Variants in CMTM6 observed in about 807,000 individuals in gnomAD.
The protein encoded by CMTM6 is CKLF like MARVEL transmembrane domain containing 6.
In CMTM6, 5 loss-of-function variants were observed where a neutral mutation model predicts 13.6. That is an observed-to-expected ratio of 0.37 (90% CI 0.19 to 0.77). CMTM6 has a LOEUF of 0.77. Ranked by LOEUF, CMTM6 falls within the 30% of genes least tolerant of loss-of-function variation. CMTM6 has a pLI of 0.50. For missense variants in CMTM6, 196 were observed against 218.6 expected (o/e 0.90, Z 0.65); for synonymous variants, 99 against 84.5 (o/e 1.17, Z -0.94).
chr3:32,502,641 T>A lies in CMTM6; in HGVS notation c.105A>T (p.Pro35=). ...AGCCCTTGAGAACGCGCCGGAGCAA[T>A]GGGAGCCGGCCCATGAAAAAGTAGG... ...LAAYFFMGRL[P]LLRRVLKGLQ... The change falls in exon 1 of 4, where the codon CCA becomes CCT. Residue 35 remains proline, a synonymous_variant. Transcript: ENST00000205636. 1.9e-6 allele frequency: 3 copies of A among 1,596,352 alleles called. No homozygotes were observed. The highest frequency in any genetic ancestry group is 2.6e-6 in the Non-Finnish European group (3 of 1,173,314).
chr3:32,498,231 G>A lies in CMTM6; in HGVS notation c.138+4377C>T, dbSNP rs528999983. 1.8e-4 allele frequency among the ~76,000 whole-genome samples: 27 copies of A among 152,186 alleles called. 1 individual carries two copies. The highest frequency in any genetic ancestry group is 8.3e-4 in the South Asian group (4 of 4,832). On this transcript the variant is annotated intron_variant, in intron 1 of 3. Transcript: ENST00000205636. ...AGCGGATATAGTCTCCCACTCCCAC[G>A]TTTACAAAGATGGAATTAAGCTACT...
chr3:32,488,093 A>C (rs1431941802), intron 2 of CMTM6, 57 bp from the exon 3 acceptor site: 3 of 1,238,808 alleles, frequency 2.4e-6, no homozygotes, highest in Non-Finnish European at 3.4e-6. Flanking sequence ...CATGGAAATG[A>C]ACTTTTTCAT....
At chr3:32,494,567 C>T (rs931425298) in intron 1 of CMTM6, among the ~76,000 whole-genome samples, 10 of 151,982 alleles carry the variant, frequency 6.6e-5, no homozygotes, top group African/African-American at 2.2e-4. Context: ...AAAACCGGTA[C>T]GTGAATGTTT....
At chr3:32,493,278 ATGCTT>A (rs1268418272) in intron 1 of CMTM6, among the ~76,000 whole-genome samples, 2 of 152,180 alleles carry the variant, frequency 1.3e-5, no homozygotes, top group Admixed American at 1.3e-4. Context: ...TGAGGTCAGG[ATGCTT>A]GGTATGGTGA....
chr3:32,485,117 G>A (rs540958136), intron 3 of CMTM6, among the ~76,000 whole-genome samples: 4 of 141,440 alleles, frequency 2.8e-5, no homozygotes, highest in Non-Finnish European at 4.5e-5. Context: ...TTATTTTCCT[G>A]GCAACTTTCT....
chr3:32,492,699 T>C (rs908341682), intron 1 of CMTM6, among the ~76,000 whole-genome samples: 1 of 152,144 alleles, frequency 6.6e-6, no homozygotes, highest in South Asian at 2.1e-4. Context: ...GAAGCTCTTA[T>C]CAGACAAGAT....
chr3:32,491,693 T>C lies in CMTM6; in HGVS notation c.315+17A>G, dbSNP rs754176495. On this transcript the variant is annotated intron_variant, in intron 2 of 3. Transcript: ENST00000205636. ...AAAACAGCTATTAATACAGGGATGA[T>C]ATTTTCTCATGCTTACCGATGATTT... 21 of 1,575,304 alleles carry C rather than the reference T, an allele frequency of 1.3e-5. No individual in the cohort carries two copies. The South Asian group carries it at 2.2e-4, about 17-fold the overall frequency.
chr3:32,501,265 T>G (rs1261180570), intron 1 of CMTM6, among the ~76,000 whole-genome samples: 1 of 151,990 alleles, frequency 6.6e-6, no homozygotes, highest in Non-Finnish European at 1.5e-5. Context: ...GTAGAAAATT[T>G]TAGCTTTACT....
intron 1 of CMTM6, among the ~76,000 whole-genome samples, chr3:32,500,918 G>C (rs551020028): frequency 3.3e-5 from 5 of 152,198 alleles, no homozygotes; most frequent in African/African-American, 1.2e-4. Flanking sequence ...AGATGGGCTG[G>C]GCGCAGTGGC....
intron 2 of CMTM6, among the ~76,000 whole-genome samples, chr3:32,489,639 C>T (rs954422967): frequency 6.7e-6 from 1 of 148,306 alleles, no homozygotes. Context: ...GTGACAAGAA[C>T]GAAACTCTGT....
Position 32,495,103 on chromosome 3 carries a change from T to C in CMTM6, c.139-3217A>G, listed in dbSNP as rs1343410658. 2.0e-5 allele frequency among the ~76,000 whole-genome samples: 3 copies of C among 152,220 alleles called. No homozygotes were observed. The East Asian group carries it at 5.8e-4, about 29-fold the overall frequency. Reference sequence around the variant, plus strand: ...CAAATCTATACTGGTATCCAAACCTTTAAGGGATTTCCTCTCCCTTCTACT... The same window carrying C: ...CAAATCTATACTGGTATCCAAACCTCTAAGGGATTTCCTCTCCCTTCTACT... On this transcript the variant is annotated intron_variant, in intron 1 of 3. Coordinates refer to ENST00000205636, the MANE Select transcript of CMTM6 (RefSeq NM_017801.3).
At chr3:32,491,929 G>A in intron 1 of CMTM6, 43 bp from the exon 2 acceptor site, 2 of 1,491,314 alleles carry the variant, frequency 1.3e-6, no homozygotes, top group Non-Finnish European at 1.8e-6. Flanking sequence ...TTTTTTCAGA[G>A]AATCTACAGT....
intron 1 of CMTM6, among the ~76,000 whole-genome samples, chr3:32,499,718 G>A (rs3821698): frequency 0.089 from 13,554 of 152,148 alleles, 657 homozygotes; most frequent in Middle Eastern, 0.15. Flanking sequence ...GTTGGGGGAT[G>A]CTTAGGGTTT....
intron 3 of CMTM6, among the ~76,000 whole-genome samples, chr3:32,485,823 A>G (rs1256664342): frequency 6.6e-6 from 1 of 152,224 alleles, no homozygotes; most frequent in African/African-American, 2.4e-5. Context: ...GTTTTCTATC[A>G]TAAAATGCAG....
chr3:32,494,810 AAAT>A (rs1559425278), intron 1 of CMTM6, among the ~76,000 whole-genome samples: 4 of 152,340 alleles, frequency 2.6e-5, no homozygotes, highest in East Asian at 1.9e-4. Context: ...AGAATAATAA[AAAT>A]AATAATGATG....
rs530982038 is a variant in CMTM6 at position 32,497,667 on chromosome 3, G to A, written c.138+4941C>T. ...GAGGTCAGGAATTTGAGACCAGCCTGGCCAACATAATGAAACCCCGTCTCT... is the reference window on the plus strand; with the variant it reads ...GAGGTCAGGAATTTGAGACCAGCCTAGCCAACATAATGAAACCCCGTCTCT... On this transcript the variant is annotated intron_variant, in intron 1 of 3. Coordinates refer to ENST00000205636, the MANE Select transcript of CMTM6 (RefSeq NM_017801.3). Among the ~76,000 whole-genome samples, 146 of 151,754 alleles carry A rather than the reference G, an allele frequency of 9.6e-4. 1 individual carries two copies. Among genetic ancestry groups the A allele is most frequent in the African/African-American group, 3.3e-3 (138 of 41,422 alleles).
chr3:32,502,687 C>G lies in CMTM6; in HGVS notation c.59G>C (p.Gly20Ala), dbSNP rs1203626212. ...TTEEDPGPAR[G>A]PRSGLAAYFF... Reference sequence around the variant, plus strand: ...GTAGGCAGCGAGGCCGCTCCGGGGGCCTCTGGCGGGGCCCGGGTCCTCCTC... The same window carrying G: ...GTAGGCAGCGAGGCCGCTCCGGGGGGCTCTGGCGGGGCCCGGGTCCTCCTC... Residue 20 changes from glycine to alanine, a missense_variant, in exon 1 of 4, where the codon GGC (glycine) becomes GCC (alanine). Coordinates refer to ENST00000205636, the MANE Select transcript of CMTM6 (RefSeq NM_017801.3). 6.3e-7 allele frequency: 1 copy of G among 1,587,326 alleles called. No individual in the cohort carries two copies. The highest frequency in any genetic ancestry group is 1.1e-5 in the South Asian group (1 of 87,586).
At chr3:32,493,533 A>G (rs559261693) in intron 1 of CMTM6, among the ~76,000 whole-genome samples, 3 of 152,298 alleles carry the variant, frequency 2.0e-5, no homozygotes, top group African/African-American at 7.2e-5. Flanking sequence ...GCAAATGAAT[A>G]TAAGGTCTGG....
At chr3:32,489,958 T>C (rs1256168896) in intron 2 of CMTM6, among the ~76,000 whole-genome samples, 1 of 152,172 alleles carries the variant, frequency 6.6e-6, no homozygotes, top group Non-Finnish European at 1.5e-5. Flanking sequence ...CCGACTGCAA[T>C]AGCATGGGAT....
Sources: allele counts gnomAD v4.1 joint callset (sites outside exome capture counted in the v4.1 genomes callset), GRCh38; gene constraint gnomAD v4.1.1; transcripts MANE v1.5; gene names NCBI Gene and HGNC (gene_info 2026-07-23, HGNC 2026-07-21).